Variants in PCDHA9 observed in about 807,000 individuals in gnomAD.
PCDHA9 encodes the protein protocadherin alpha 9, also known as protocadherin alpha-9.
In PCDHA9, 62 loss-of-function variants were observed where a neutral mutation model predicts 62.0. The ratio of observed to expected loss-of-function variants is 1.00; its 90% CI spans 0.81 to 1.23. PCDHA9 has a LOEUF of 1.23. PCDHA9 is among the 50% of genes most tolerant of loss of function. The pLI, the probability that PCDHA9 is intolerant of heterozygous loss-of-function variation, is 0.00. For synonymous variants in PCDHA9, 557 were observed against 567.6 expected (o/e 0.98, Z 0.27); for missense variants, 1,205 against 1,249.8 (o/e 0.96, Z 0.54).
At chr5:141,005,285 A>T (rs1285354488) in intron 3 of PCDHA9, among the ~76,000 whole-genome samples, 1 of 152,218 alleles carries the variant, frequency 6.6e-6, no homozygotes, top group Non-Finnish European at 1.5e-5. Context: ...ATAAACAGAT[A>T]CATTTTTTGC....
rs141558342 is a variant in PCDHA9 at position 140,862,206 on chromosome 5, T to G, written c.2394+11317T>G. The G allele has an allele frequency of 1.6e-3, 319 of 195,694 alleles. 1 individual carries two copies. The highest frequency in any genetic ancestry group is 7.0e-3 in the African/African-American group (300 of 43,022). 12.1% of individuals were successfully genotyped at this position (195,694 alleles called of 1,614,324 possible). A position where few individuals can be genotyped will look rare whatever the true frequency, so the allele number is the denominator to read the frequency against. On this transcript the variant is annotated intron_variant, in intron 1 of 3. Transcript: ENST00000532602. ...AGGCAATTCCCCAATGTTTGATCAC[T>G]GCACAGACTTGATAGAAGTCTTGGA...
chr5:140,869,903 C>G, intron 1 of PCDHA9: 1 of 1,610,648 alleles, frequency 6.2e-7, no homozygotes. Flanking sequence ...CTAAACGCCA[C>G]AGACCGAGAC....
rs782144486 is a variant in PCDHA9, at chr5:140,875,746, C to A, written c.2394+24857C>A. ...TTTGTTTGTGAATTCTCGGATCGAC[C>A]GCGAGAAGCTGTGCGGGCGGAGCGC... is the stretch of plus-strand genomic sequence containing the variant. On this transcript the variant is annotated intron_variant, in intron 1 of 3. Coordinates refer to ENST00000532602, the MANE Select transcript of PCDHA9 (RefSeq NM_031857.2). 7.4e-6 allele frequency: 12 copies of A among 1,614,096 alleles called. No homozygotes were observed. In the East Asian group the frequency reaches 2.0e-4, roughly 27 times the overall value.
chr5:140,884,651 T>G (rs2153405863), intron 1 of PCDHA9: 2 of 1,604,404 alleles, frequency 1.2e-6, no homozygotes, highest in Non-Finnish European at 1.7e-6. Flanking sequence ...GGACTCAGAA[T>G]GCTTGAAAGA....
chr5:140,853,667 G>A lies in PCDHA9; in HGVS notation c.2394+2778G>A, dbSNP rs965344983. 2.4e-5 allele frequency: 24 copies of A among 988,242 alleles called. 2 individuals carry two copies. The highest frequency in any genetic ancestry group is 7.1e-5 in the African/African-American group (4 of 56,544). 61.2% of individuals were successfully genotyped at this position (988,242 alleles called of 1,614,324 possible). On this transcript the variant is annotated intron_variant, in intron 1 of 3. Transcript: ENST00000532602. ...TTGAGCCTGTTCCAGACAAATTGGG[G>A]CCTATGGTCAACCTATCCTTAGACC...
Position 140,870,192 on chromosome 5 carries a change from G to T in PCDHA9, c.2394+19303G>T. 6 of 1,614,158 alleles carry T rather than the reference G, an allele frequency of 3.7e-6. No homozygotes were observed. Among genetic ancestry groups the T allele is most frequent in the Non-Finnish European group, 5.1e-6 (6 of 1,180,034 alleles). ...CCCTCCCAGTACGAGAGGACGCTCAGCCCAGCACGGTCATTGCCCTGATCA... is the reference window on the plus strand; with the variant it reads ...CCCTCCCAGTACGAGAGGACGCTCATCCCAGCACGGTCATTGCCCTGATCA... On this transcript the variant is annotated intron_variant, in intron 1 of 3. Coordinates refer to ENST00000532602, the MANE Select transcript of PCDHA9 (RefSeq NM_031857.2).
chr5:140,988,847 C>A (rs2097315589), intron 3 of PCDHA9: 1 of 152,186 alleles, frequency 6.6e-6, no homozygotes, highest in African/African-American at 2.4e-5. Context: ...CTCCTGAAAC[C>A]TATCCAGTCT....
At chr5:140,917,245 G>A (rs2077971406) in intron 1 of PCDHA9, among the ~76,000 whole-genome samples, 1 of 149,588 alleles carries the variant, frequency 6.7e-6, no homozygotes, top group Non-Finnish European at 1.5e-5. Context: ...TAGGTACTAC[G>A]ATTGCTCACC....
At chr5:140,857,046 G>T in intron 1 of PCDHA9, 1 of 1,595,844 alleles carries the variant, frequency 6.3e-7, no homozygotes, top group Non-Finnish European at 8.6e-7. Flanking sequence ...GTTGGTCACT[G>T]CACGGTCCTA....
At chr5:140,925,800 C>T (rs1318763578) in intron 1 of PCDHA9, among the ~76,000 whole-genome samples, 5 of 152,070 alleles carry the variant, frequency 3.3e-5, no homozygotes, top group African/African-American at 1.2e-4. Context: ...AGTACTTTCC[C>T]CTCCACTTCT....
At chr5:140,976,742 AC>A (rs1170747899) in intron 1 of PCDHA9, among the ~76,000 whole-genome samples, 1 of 151,778 alleles carries the variant, frequency 6.6e-6, no homozygotes, top group Admixed American at 6.6e-5. Context: ...CATTTTAAAA[AC>A]CTCCCAGATG....
At position 140,856,702 on chromosome 5, in the gene PCDHA9, A is replaced by G. The variant is rs782234318; in HGVS notation, c.2394+5813A>G. The stretch of plus-strand genomic sequence containing the variant: ...TGTTGACAGCAACTGATGGAGGCAA[A>G]CCTGAATTTACCGGATCTGTTTCTC... On this transcript the variant is annotated intron_variant, in intron 1 of 3. Transcript: ENST00000532602. The G allele has an allele frequency of 1.7e-5, 27 of 1,596,504 alleles. 5 individuals are homozygous for G. Among genetic ancestry groups the G allele is most frequent in the Middle Eastern group, 3.3e-4 (2 of 6,020 alleles).
chr5:140,869,312 C>G (rs782161322), intron 1 of PCDHA9: 14 of 1,613,636 alleles, frequency 8.7e-6, no homozygotes, highest in Admixed American at 3.3e-5. Flanking sequence ...GCGTCCAAAA[C>G]ACATGGGGAC....
intron 1 of PCDHA9, chr5:140,868,023 T>C (rs2050243779): frequency 6.6e-6 from 1 of 152,096 alleles, no homozygotes; most frequent in Non-Finnish European, 1.5e-5. Flanking sequence ...AGGAAACCAA[T>C]GTTGGTGACT....
At chr5:140,858,424 C>A in intron 1 of PCDHA9, 1 of 1,553,410 alleles carries the variant, frequency 6.4e-7, no homozygotes, top group Non-Finnish European at 8.8e-7. Flanking sequence ...TTGGAGGGGA[C>A]CACTCTAGGA....
chr5:141,008,265 G>C (rs748504708), intron 3 of PCDHA9, among the ~76,000 whole-genome samples: 4 of 152,200 alleles, frequency 2.6e-5, no homozygotes, highest in Admixed American at 6.5e-5. Flanking sequence ...AGACTGAGAA[G>C]TAATAGGAAA....
intron 3 of PCDHA9, among the ~76,000 whole-genome samples, chr5:141,003,540 T>C (rs2098129225): frequency 6.6e-6 from 1 of 152,188 alleles, no homozygotes; most frequent in Non-Finnish European, 1.5e-5. Flanking sequence ...CTTGAACTCC[T>C]GGCTTCAAGT....
At position 140,848,856 on chromosome 5, in the gene PCDHA9, G is replaced by T; in HGVS notation, c.361G>T (p.Val121Leu). The T allele has an allele frequency of 1.3e-6, 2 of 1,590,682 alleles. No homozygotes were observed. The highest frequency in any genetic ancestry group is 2.2e-5 in the South Asian group (2 of 90,178). ...GCCGCTGCAGGTTTTCCATGTGGAC[G>T]TGGAGGTGAAGGACATTAACGACAA... ...DRPLQVFHVDVEVKDINDNPP... is the reference protein window; with the variant it reads ...DRPLQVFHVDLEVKDINDNPP... Residue 121 changes from valine to leucine, a missense_variant, in exon 1 of 4, where the codon GTG (valine) becomes TTG (leucine). This residue lies in a region of PCDHA9 where 208 missense variants were observed against 213.2 expected (regional missense o/e 0.98). Coordinates refer to ENST00000532602, the MANE Select transcript of PCDHA9 (RefSeq NM_031857.2).
At chr5:140,874,957 T>C (rs1330073461) in intron 1 of PCDHA9, among the ~76,000 whole-genome samples, 3 of 152,350 alleles carry the variant, frequency 2.0e-5, no homozygotes, top group African/African-American at 7.2e-5. Flanking sequence ...TTGTAAGCTA[T>C]ATAAGGGGAG....
Sources: allele counts gnomAD v4.1 joint callset (sites outside exome capture counted in the v4.1 genomes callset), GRCh38; gene constraint gnomAD v4.1.1; regional missense constraint gnomAD v4.1.1; transcripts MANE v1.5; gene names NCBI Gene and HGNC (gene_info 2026-07-23, HGNC 2026-07-21).